The following WDSUB1 variants were observed in gnomAD, a reference collection of about 807,000 sequenced individuals.
WDSUB1 encodes the protein WD repeat, sterile alpha motif and U-box domain containing 1, also known as WD repeat, SAM and U-box domain-containing protein 1.
A neutral mutation model predicts 53.9 loss-of-function variants in WDSUB1; 49 were observed. That is an observed-to-expected ratio of 0.91 (90% confidence interval 0.72 to 1.15). The LOEUF is 1.15. Ranked by LOEUF, WDSUB1 falls within the 50% of genes most tolerant of loss-of-function variation. WDSUB1 has a pLI of 0.00. For missense variants in WDSUB1, 514 were observed against 562.0 expected (o/e 0.91, Z 0.86); for synonymous variants, 194 against 200.6 (o/e 0.97, Z 0.28).
intron 3 of WDSUB1, 47 bp from the exon 4 acceptor site, chr2:159,275,685 A>AG: frequency 1.5e-6 from 2 of 1,329,494 alleles, no homozygotes; most frequent in South Asian, 1.3e-5. Context: ...AAACACTGAA[A>AG]CCCCCCCAAA....
rs756351345 is a variant in WDSUB1, at chr2:159,275,558, T to C, written c.664A>G (p.Thr222Ala). Residue 222 changes from threonine to alanine, a missense_variant, in exon 4 of 11, where the codon ACC becomes GCC. By Grantham distance (58) the Thr-to-Ala change is moderately conservative. Transcript: ENST00000359774. ...CQVKIWIVSF[T>A]HILGFELKYK... ...TTGGCATACATACCTAAGATATGGG[T>C]AAAAGAAACAATCCAAATTTTGACT... 6.2e-7 allele frequency: 1 copy of C among 1,603,044 alleles called. No homozygotes were observed. Among genetic ancestry groups the C allele is most frequent in the South Asian group, 1.1e-5 (1 of 88,048 alleles).
intron 2 of WDSUB1, among the ~76,000 whole-genome samples, chr2:159,281,920 T>C (rs577009739): frequency 3.3e-5 from 5 of 152,256 alleles, no homozygotes; most frequent in African/African-American, 1.2e-4. Context: ...GAGGTTTCAG[T>C]GAACTGAGAT....
chr2:159,259,501 G>A (rs992416364), intron 6 of WDSUB1, among the ~76,000 whole-genome samples: 1 of 152,114 alleles, frequency 6.6e-6, no homozygotes, highest in Non-Finnish European at 1.5e-5. Context: ...TTGCTATTAT[G>A]GAAGCCTGGT....
chr2:159,275,578 T>A lies in WDSUB1; in HGVS notation c.644A>T (p.Lys215Ile), dbSNP rs16843852. The change falls in exon 4 of 11, where the codon AAA becomes ATA. Residue 215 changes from lysine to isoleucine, a missense_variant. Physicochemically the swap from Lys to Ile is moderately radical, Grantham distance 102. Transcript: ENST00000359774. ...LASCGQDCQV[K>I]IWIVSFTHIL... Reference sequence around the variant, plus strand: ...ATGGGTAAAAGAAACAATCCAAATTTTGACTTGGCAATCCTGACCACATGA... The same window carrying A: ...ATGGGTAAAAGAAACAATCCAAATTATGACTTGGCAATCCTGACCACATGA... 1.0e-5 allele frequency: 16 copies of A among 1,605,750 alleles called. No homozygotes were observed. In the South Asian group the frequency reaches 1.6e-4, roughly 16 times the overall value.
At chr2:159,283,657 C>T (rs1480304075) in intron 1 of WDSUB1, among the ~76,000 whole-genome samples, 2 of 52,670 alleles carry the variant, frequency 3.8e-5, no homozygotes, top group African/African-American at 1.4e-4. Context: ...ATCTGCTCCG[C>T]CTTCAAAAAA....
At chr2:159,262,218 T>A (rs972063301) in intron 5 of WDSUB1, among the ~76,000 whole-genome samples, 1 of 151,930 alleles carries the variant, frequency 6.6e-6, no homozygotes, top group African/African-American at 2.4e-5. Flanking sequence ...AACCAACTCA[T>A]CACTTAATAA....
intron 10 of WDSUB1, among the ~76,000 whole-genome samples, chr2:159,247,915 A>G (rs1176680778): frequency 2.6e-5 from 2 of 78,276 alleles, no homozygotes; most frequent in African/African-American, 1.9e-4. Flanking sequence ...ATATAAATAT[A>G]TATATATATA....
intron 3 of WDSUB1, among the ~76,000 whole-genome samples, chr2:159,276,266 T>G (rs897454704): frequency 1.3e-5 from 2 of 152,124 alleles, no homozygotes; most frequent in Non-Finnish European, 2.9e-5. Context: ...TTCCCCATAT[T>G]GGCCAGGCTG....
chr2:159,244,288 C>G (rs972855206), intron 10 of WDSUB1, among the ~76,000 whole-genome samples: 2 of 151,758 alleles, frequency 1.3e-5, no homozygotes, highest in Non-Finnish European at 2.9e-5. Flanking sequence ...ACATGACACA[C>G]TCATGTATGA....
intron 3 of WDSUB1, among the ~76,000 whole-genome samples, chr2:159,278,274 T>C (rs2061584002): frequency 6.6e-6 from 1 of 152,116 alleles, no homozygotes; most frequent in African/African-American, 2.4e-5. Context: ...CTGCCTTAAT[T>C]AAATTAGGGA....
At chr2:159,275,044 G>T (rs1209302437) in intron 4 of WDSUB1, among the ~76,000 whole-genome samples, 2 of 152,144 alleles carry the variant, frequency 1.3e-5, no homozygotes, top group Admixed American at 1.3e-4. Context: ...TAAAAAAAGA[G>T]AATCAATTCA....
chr2:159,283,289 G>A (rs957801484), intron 1 of WDSUB1, among the ~76,000 whole-genome samples, 196 bp from the exon 2 acceptor site: 2 of 152,184 alleles, frequency 1.3e-5, no homozygotes, highest in South Asian at 4.1e-4. Flanking sequence ...ACTGGGGTGT[G>A]GGGGATGGTT....
chr2:159,273,001 A>G (rs1056691258), intron 4 of WDSUB1, among the ~76,000 whole-genome samples: 1 of 152,210 alleles, frequency 6.6e-6, no homozygotes, highest in Admixed American at 6.5e-5. Flanking sequence ...TTATAACTAC[A>G]TCAGACACAA....
intron 10 of WDSUB1, among the ~76,000 whole-genome samples, chr2:159,247,601 C>T (rs2060828727): frequency 6.6e-6 from 1 of 151,754 alleles, no homozygotes; most frequent in Admixed American, 6.6e-5. Context: ...TTTTCACATT[C>T]ATAAAACATC....
intron 2 of WDSUB1, among the ~76,000 whole-genome samples, chr2:159,281,428 G>A (rs1046828655): frequency 4.6e-5 from 7 of 152,152 alleles, no homozygotes; most frequent in Admixed American, 2.6e-4. Context: ...CTTCTGTTAC[G>A]TATATTTTGC....
intron 10 of WDSUB1, among the ~76,000 whole-genome samples, chr2:159,240,292 G>C (rs922025735): frequency 3.9e-5 from 6 of 152,036 alleles, no homozygotes; most frequent in African/African-American, 7.2e-5. Context: ...ATGGACATCT[G>C]GGTTGTTTCC....
intron 4 of WDSUB1, 41 bp downstream of exon 4, chr2:159,275,505 A>T: frequency 2.0e-6 from 3 of 1,472,148 alleles, no homozygotes; most frequent in Non-Finnish European, 2.8e-6. Context: ...TTTTATCCAG[A>T]CCACAAATAA....
intron 10 of WDSUB1, among the ~76,000 whole-genome samples, chr2:159,246,593 G>A (rs1559530259): frequency 6.6e-6 from 1 of 152,136 alleles, no homozygotes; most frequent in African/African-American, 2.4e-5. Flanking sequence ...CATTTTGGTA[G>A]TCCCTTTAAA....
At chr2:159,245,695 A>G (rs182258384) in intron 10 of WDSUB1, among the ~76,000 whole-genome samples, 4 of 152,330 alleles carry the variant, frequency 2.6e-5, no homozygotes, top group Admixed American at 2.6e-4. Flanking sequence ...TCAATAAGTG[A>G]TGCTGGAACA....
Sources: gnomAD v4.1 joint callset for allele counts (sites outside exome capture counted in the v4.1 genomes callset) on GRCh38, gnomAD v4.1.1 for gene constraint, MANE v1.5 for transcripts, NCBI Gene and HGNC (gene_info 2026-07-23, HGNC 2026-07-21) for gene names.